UBE3D: variants seen among roughly 807,000 people sequenced by gnomAD.
The protein encoded by UBE3D is ubiquitin protein ligase E3D.
In UBE3D, 48 loss-of-function variants were observed where a neutral mutation model predicts 49.6. That is an observed-to-expected ratio of 0.97 (90% confidence interval 0.77 to 1.23). The LOEUF is 1.23. UBE3D is among the 50% of genes most tolerant of loss of function. The pLI is 0.00. For synonymous variants in UBE3D, 189 were observed against 174.2 expected, an observed-to-expected ratio of 1.08 and a Z score of -0.67; for missense variants, 452 against 468.4, an observed-to-expected ratio of 0.96 and a Z score of 0.32.
intron 5 of UBE3D, among the ~76,000 whole-genome samples, chr6:83,024,423 G>A (rs1395637728): frequency 6.6e-6 from 1 of 152,116 alleles, no homozygotes; most frequent in Non-Finnish European, 1.5e-5. Flanking sequence ...TGGTTTTGAT[G>A]TACTATTTTC....
intron 9 of UBE3D, among the ~76,000 whole-genome samples, chr6:82,956,466 G>A (rs1776164240): frequency 1.3e-5 from 2 of 152,182 alleles, no homozygotes; most frequent in African/African-American, 4.8e-5. Context: ...AACTGAGTTA[G>A]ACTAGGAGAA....
intron 9 of UBE3D, among the ~76,000 whole-genome samples, chr6:82,910,503 CT>C (rs1356675323): frequency 2.0e-5 from 3 of 152,238 alleles, no homozygotes; most frequent in African/African-American, 7.2e-5. Flanking sequence ...GCAAAACATC[CT>C]GCCCAGAAAA....
At chr6:82,884,467 G>A in the UBE3D span, among the ~76,000 whole-genome samples, 1 of 152,150 alleles carries the variant, frequency 6.6e-6, no homozygotes, top group Non-Finnish European at 1.5e-5. Context: ...TTTGCAGGGA[G>A]CGGCAGGACT....
At chr6:82,978,649 A>C (rs1007316908) in intron 8 of UBE3D, among the ~76,000 whole-genome samples, 2 of 152,202 alleles carry the variant, frequency 1.3e-5, no homozygotes, top group African/African-American at 4.8e-5. Context: ...CATATGTCTC[A>C]GTATTTCAAA....
At chr6:83,042,163 C>A (rs1302003632) in intron 4 of UBE3D, among the ~76,000 whole-genome samples, 1 of 152,182 alleles carries the variant, frequency 6.6e-6, no homozygotes, top group Non-Finnish European at 1.5e-5. Context: ...CCGCCTCAAC[C>A]TCCCAAAGTG....
chr6:82,941,864 C>G (rs1582415951), intron 9 of UBE3D, among the ~76,000 whole-genome samples: 1 of 152,230 alleles, frequency 6.6e-6, no homozygotes, highest in South Asian at 2.1e-4. Flanking sequence ...CCAAGCCATA[C>G]AGAACTGTGA....
At chr6:83,016,834 G>A (rs1780732175) in intron 8 of UBE3D, among the ~76,000 whole-genome samples, 1 of 152,160 alleles carries the variant, frequency 6.6e-6, no homozygotes, top group Non-Finnish European at 1.5e-5. Context: ...GGAGTCCAAT[G>A]TTCAAGGGCA....
chr6:83,027,717 G>T (rs183902372), intron 5 of UBE3D, among the ~76,000 whole-genome samples: 1 of 152,080 alleles, frequency 6.6e-6, no homozygotes, highest in Non-Finnish European at 1.5e-5. Flanking sequence ...AGTATTACTC[G>T]CATGTGTCTA....
chr6:83,030,689 A>T (rs900500413), intron 5 of UBE3D, among the ~76,000 whole-genome samples: 1 of 152,182 alleles, frequency 6.6e-6, no homozygotes, highest in Admixed American at 6.5e-5. Flanking sequence ...AGGTTGGAAC[A>T]GTTTGGAGGG....
chr6:82,906,231 T>C (rs1772090724), intron 9 of UBE3D, among the ~76,000 whole-genome samples: 1 of 152,192 alleles, frequency 6.6e-6, no homozygotes, highest in Non-Finnish European at 1.5e-5. Flanking sequence ...TTTTAATTAA[T>C]AGGTCCCTCT....
chr6:82,883,524 G>T, the UBE3D span, among the ~76,000 whole-genome samples: 4 of 152,104 alleles, frequency 2.6e-5, no homozygotes. Flanking sequence ...GCTTCAAAAA[G>T]TTCAACTGTT....
chr6:82,993,047 AC>A (rs2127734599), intron 8 of UBE3D, among the ~76,000 whole-genome samples: 1 of 152,176 alleles, frequency 6.6e-6, no homozygotes, highest in South Asian at 2.1e-4. Flanking sequence ...ATCTATGAAT[AC>A]ACAAATAAAT....
At chr6:82,944,360 C>G (rs927724411) in intron 9 of UBE3D, among the ~76,000 whole-genome samples, 5 of 152,248 alleles carry the variant, frequency 3.3e-5, no homozygotes, top group East Asian at 3.9e-4. Flanking sequence ...TATCCTGGAC[C>G]AGAAGGGAAT....
chr6:82,909,368 C>A (rs985807040), intron 9 of UBE3D, among the ~76,000 whole-genome samples: 6 of 152,086 alleles, frequency 3.9e-5, no homozygotes, highest in Admixed American at 6.5e-5. Flanking sequence ...AGCCTTTCTG[C>A]CAGTGATTTT....
chr6:82,918,908 C>A (rs1773117319), intron 9 of UBE3D, among the ~76,000 whole-genome samples: 1 of 152,062 alleles, frequency 6.6e-6, no homozygotes. Context: ...TTTAATTGGT[C>A]AGGGAGATGG....
chr6:82,942,566 T>C (rs1047548836), intron 9 of UBE3D, among the ~76,000 whole-genome samples: 7 of 152,308 alleles, frequency 4.6e-5, no homozygotes, highest in Admixed American at 4.6e-4. Context: ...CAGGCCTGCA[T>C]CCCAGCCACT....
intron 9 of UBE3D, among the ~76,000 whole-genome samples, chr6:82,943,672 T>C (rs1404836498): frequency 6.6e-6 from 1 of 151,966 alleles, no homozygotes; most frequent in African/African-American, 2.4e-5. Context: ...AAAAAAGAAC[T>C]AAAAATCAGG....
chr6:83,065,089 C>A (rs1420270288), intron 1 of UBE3D, among the ~76,000 whole-genome samples: 1 of 152,144 alleles, frequency 6.6e-6, no homozygotes, highest in African/African-American at 2.4e-5. Context: ...AATAAATGAA[C>A]GAGCTCCAGT....
intron 9 of UBE3D, among the ~76,000 whole-genome samples, chr6:82,953,268 G>A (rs553516451): frequency 6.6e-6 from 1 of 152,274 alleles, no homozygotes; most frequent in South Asian, 2.1e-4. Flanking sequence ...CCCTACTGTG[G>A]TACTGTGGTC....
Sources: gnomAD v4.1 joint callset for allele counts (sites outside exome capture counted in the v4.1 genomes callset) on GRCh38, gnomAD v4.1.1 for gene constraint, MANE v1.5 for transcripts, NCBI Gene and HGNC (gene_info 2026-07-23, HGNC 2026-07-21) for gene names.